BCO2: variants seen among roughly 807,000 people sequenced by gnomAD.
The protein encoded by BCO2 is carotenoid-cleaving dioxygenase, mitochondrial.
In BCO2, 56 loss-of-function variants were observed where a neutral mutation model predicts 65.8. The observed-to-expected ratio is 0.85, with a 90% confidence interval of 0.69 to 1.06. The LOEUF is 1.06. BCO2 is among the 50% of genes least tolerant of loss of function. The pLI, the probability that BCO2 is intolerant of heterozygous loss-of-function variation, is 0.00. For synonymous variants in BCO2, 233 were observed against 242.3 expected (o/e 0.96, Z 0.36); for missense variants, 675 against 698.5 (o/e 0.97, Z 0.38).
chr11:112,208,404 G>A (rs1287327892), intron 8 of BCO2, among the ~76,000 whole-genome samples: 2 of 141,264 alleles, frequency 1.4e-5, no homozygotes, highest in Admixed American at 7.6e-5. Context: ...AACTCTACAT[G>A]TAAGCTGTAT....
chr11:112,188,138 A>G (rs944419153), intron 2 of BCO2, among the ~76,000 whole-genome samples: 3 of 152,152 alleles, frequency 2.0e-5, no homozygotes, highest in African/African-American at 7.2e-5. Flanking sequence ...TGTTCTACAA[A>G]TAGTTCAGAC....
rs1421589225 is a variant in BCO2 at position 112,207,376 on chromosome 11, T to TGGG, written c.1194+5186_1194+5187insGGG. Among the ~76,000 whole-genome samples the TGGG allele has an allele frequency of 2.0e-5, 3 of 152,342 alleles. No individual in the cohort carries two copies. The East Asian group carries it at 5.8e-4, about 29-fold the overall frequency. ...TAACTTAATATGGCCCAGTATACAG[T>TGGG]CTCTTCCTTTATGACTTATACGTTG... On this transcript the variant is annotated intron_variant, in intron 8 of 11. Transcript: ENST00000357685.
At chr11:112,192,557 CTACTT>C (rs1156376982) in intron 2 of BCO2, among the ~76,000 whole-genome samples, 2 of 151,820 alleles carry the variant, frequency 1.3e-5, no homozygotes, top group African/African-American at 4.8e-5. Context: ...TCTTATTTGT[CTACTT>C]TAGCATAATC....
rs181623906 is a variant in BCO2, at chr11:112,180,668, C to T, written c.293+1186C>T. On this transcript the variant is annotated intron_variant, in intron 2 of 11. Transcript: ENST00000357685. ...AGGGCAGAAAGGTGGCGAAGGGAGGCGAATCCAAGTGGGTGGAGGGGGGGA... is the reference window on the plus strand; with the variant it reads ...AGGGCAGAAAGGTGGCGAAGGGAGGTGAATCCAAGTGGGTGGAGGGGGGGA... 439 of 697,692 alleles carry T rather than the reference C, an allele frequency of 6.3e-4. 3 individuals carry two copies. In the African/African-American group the frequency reaches 6.4e-3, roughly 10 times the overall value. 43.2% of individuals were successfully genotyped at this position (697,692 alleles called of 1,614,324 possible).
At chr11:112,181,842 T>C (rs1867059726) in intron 2 of BCO2, 8 of 965,160 alleles carry the variant, frequency 8.3e-6, no homozygotes, top group African/African-American at 4.8e-5. Context: ...TGCAAATCTT[T>C]GCTGTTCAAA....
chr11:112,215,263 G>A, intron 10 of BCO2: 1 of 337,008 alleles, frequency 3.0e-6, no homozygotes, highest in East Asian at 7.5e-5. Flanking sequence ...GTTTGATGGT[G>A]ATGGAATCTG....
At chr11:112,198,743 G>T (rs1458111698) in intron 5 of BCO2, among the ~76,000 whole-genome samples, 1 of 152,092 alleles carries the variant, frequency 6.6e-6, no homozygotes, top group African/African-American at 2.4e-5. Context: ...ACCCTAGCTA[G>T]GGGTCCAGAG....
chr11:112,196,109 T>C (rs1229828945), intron 5 of BCO2, among the ~76,000 whole-genome samples: 1 of 152,218 alleles, frequency 6.6e-6, no homozygotes, highest in Non-Finnish European at 1.5e-5. Flanking sequence ...TGGGTGTCTG[T>C]TTGTCTTACC....
At chr11:112,201,613 C>CA (rs1158979471) in intron 7 of BCO2, among the ~76,000 whole-genome samples, 4 of 151,112 alleles carry the variant, frequency 2.6e-5, no homozygotes, top group South Asian at 4.2e-4. Flanking sequence ...GATCTCATTA[C>CA]AAAAAAAAAT....
rs1867676161 is a variant in BCO2, at chr11:112,199,680, AG to A, written c.737-17del. 16 of 1,611,002 alleles carry A rather than the reference AG, an allele frequency of 9.9e-6. No homozygotes were observed. The highest frequency in any genetic ancestry group is 1.4e-5 in the Non-Finnish European group (16 of 1,177,900). On this transcript the variant is annotated intron_variant, in intron 5 of 11. Transcript: ENST00000357685. Reference sequence around the variant, plus strand: ...AGAATATATGTAAAACAGGTAAGATAGGACTTTTCATTTTTCAGGTTTCTCC... The same window carrying A: ...AGAATATATGTAAAACAGGTAAGATAGACTTTTCATTTTTCAGGTTTCTCC...
intron 8 of BCO2, among the ~76,000 whole-genome samples, chr11:112,212,394 G>A (rs920875206): frequency 2.0e-5 from 3 of 152,168 alleles, no homozygotes; most frequent in Non-Finnish European, 4.4e-5. Flanking sequence ...CCAGCACTTT[G>A]GGAGCCCAAG....
chr11:112,213,559 T>C (rs926518976), intron 8 of BCO2, among the ~76,000 whole-genome samples, 165 bp from the exon 9 acceptor site: 10 of 152,210 alleles, frequency 6.6e-5, no homozygotes, highest in East Asian at 1.9e-4. Context: ...CTAAAACTGC[T>C]TGGGCTATAG....
intron 8 of BCO2, among the ~76,000 whole-genome samples, chr11:112,212,802 T>A (rs1859547535): frequency 6.6e-6 from 1 of 152,194 alleles, no homozygotes; most frequent in Non-Finnish European, 1.5e-5. Context: ...CTCAAGGGAA[T>A]GGAGGTGTTC....
chr11:112,179,076 G>A (rs1201959503), intron 1 of BCO2, among the ~76,000 whole-genome samples: 3 of 152,194 alleles, frequency 2.0e-5, no homozygotes, highest in Non-Finnish European at 4.4e-5. Context: ...TAGAAGAATT[G>A]TTGTGGGTTG....
At position 112,176,517 on chromosome 11, in the gene BCO2, C is replaced by CAG. The variant is rs1555193533; in HGVS notation, c.88+828_88+829insAG. Reference sequence around the variant, plus strand: ...ATCCTAGATGAAGAAAATTGATTGGCGGGGGGGGGGGAATTAAACATTCTA... The same window carrying CAG: ...ATCCTAGATGAAGAAAATTGATTGGCAGGGGGGGGGGGGAATTAAACATTCTA... On this transcript the variant is annotated intron_variant, in intron 1 of 11. Transcript: ENST00000357685. The CAG allele has an allele frequency of 6.4e-5, 3 of 46,738 alleles. 1 individual carries two copies. Among genetic ancestry groups the CAG allele is most frequent in the African/African-American group, 1.8e-4 (2 of 11,426 alleles). The allele number at this position is 46,738 out of a possible 1,614,324, so 2.9% of individuals were successfully genotyped here. A position where few individuals can be genotyped will look rare whatever the true frequency, so the allele number is the denominator to read the frequency against.
At position 112,199,712 on chromosome 11, in the gene BCO2, G is replaced by A; in HGVS notation, c.750G>A (p.Lys250=). Residue 250 remains lysine, a synonymous_variant, in exon 6 of 12, where the codon AAG becomes AAA. Coordinates refer to ENST00000357685, the MANE Select transcript of BCO2 (RefSeq NM_031938.7). ...NSFGPYGFSY[K]VIRVPPEKVD... ...TTCATTTTTCAGGTTTCTCCTATAA[G>A]GTTATTCGGGTTCCTCCAGAGAAGG... is the stretch of plus-strand genomic sequence containing the variant. The A allele has an allele frequency of 3.7e-6, 6 of 1,613,590 alleles. No homozygotes were observed. Among genetic ancestry groups the A allele is most frequent in the Non-Finnish European group, 5.1e-6 (6 of 1,179,568 alleles).
chr11:112,181,648 C>T (rs1867054289), intron 2 of BCO2: 1 of 865,612 alleles, frequency 1.2e-6, no homozygotes, highest in Non-Finnish European at 2.0e-6. Flanking sequence ...ATAAAGAATT[C>T]TCAACCACTG....
chr11:112,198,340 A>C (rs1309696899), intron 5 of BCO2, among the ~76,000 whole-genome samples: 1 of 151,958 alleles, frequency 6.6e-6, no homozygotes, highest in Non-Finnish European at 1.5e-5. Flanking sequence ...AATGAAGAAG[A>C]AGCCAGTGGA....
rs1301036615 is a variant in BCO2 at position 112,175,690 on chromosome 11, G to T, written c.88+1G>T. On this transcript the variant is annotated splice_donor_variant, in intron 1 of 11. Transcript: ENST00000357685. LOFTEE classifies it high-confidence loss of function. Reference sequence around the variant, plus strand: ...CCTGTGATGGTGCACCGGCTCCCAGGTAGAGGGTTTGCCCCTTTCTCTTCC... The same window carrying T: ...CCTGTGATGGTGCACCGGCTCCCAGTTAGAGGGTTTGCCCCTTTCTCTTCC... The T allele has an allele frequency of 6.2e-7, 1 of 1,611,830 alleles. No homozygotes were observed. Among genetic ancestry groups the T allele is most frequent in the Admixed American group, 1.7e-5 (1 of 60,014 alleles).
Sources: gnomAD v4.1 joint callset for allele counts (sites outside exome capture counted in the v4.1 genomes callset) on GRCh38, gnomAD v4.1.1 for gene constraint, MANE v1.5 for transcripts, NCBI Gene and HGNC (gene_info 2026-07-23, HGNC 2026-07-21) for gene names.